Variants in SOX6 observed in about 807,000 individuals in gnomAD.
SOX6 encodes the protein transcription factor SOX-6.
In SOX6, 11 loss-of-function variants were observed where a neutral mutation model predicts 97.8. The ratio of observed to expected loss-of-function variants is 0.11; its 90% CI spans 0.07 to 0.19. The LOEUF (loss-of-function observed/expected upper bound fraction) is 0.19, where lower values mean the gene tolerates loss of function less well. Ranked by LOEUF, SOX6 falls within the 10% of genes least tolerant of loss-of-function variation. The pLI, the probability that SOX6 is intolerant of heterozygous loss-of-function variation, is 1.00. For missense variants in SOX6, 810 were observed against 1,039.5 expected, an observed-to-expected ratio of 0.78 and a Z score of 3.04; for synonymous variants, 360 against 371.4, an observed-to-expected ratio of 0.97 and a Z score of 0.35.
chr11:16,100,965 C>T (rs1008786833), intron 7 of SOX6, among the ~76,000 whole-genome samples: 11 of 151,508 alleles, frequency 7.3e-5, no homozygotes, highest in East Asian at 1.9e-4. Context: ...ATTCTTCAGT[C>T]GCATACCTCA....
At chr11:16,135,129 T>C (rs1849928120) in intron 6 of SOX6, among the ~76,000 whole-genome samples, 1 of 152,188 alleles carries the variant, frequency 6.6e-6, no homozygotes, top group African/African-American at 2.4e-5. Context: ...TTACTGAATA[T>C]TTAAGCCTAC....
chr11:16,132,329 AG>A (rs1465538735), intron 6 of SOX6, among the ~76,000 whole-genome samples: 51 of 105,890 alleles, frequency 4.8e-4, no homozygotes, highest in East Asian at 1.6e-3. Context: ...GAAGGAAGGA[AG>A]GAAAGAAAAA....
intron 4 of SOX6, among the ~76,000 whole-genome samples, chr11:16,492,384 C>T (rs1436038054): frequency 1.3e-5 from 2 of 152,180 alleles, no homozygotes; most frequent in African/African-American, 4.8e-5. Context: ...CATTCTGCCA[C>T]CTTCTGCTTC....
intron 6 of SOX6, among the ~76,000 whole-genome samples, chr11:16,119,182 A>G (rs1310636658): frequency 6.6e-6 from 1 of 152,154 alleles, no homozygotes; most frequent in Non-Finnish European, 1.5e-5. Flanking sequence ...TCCCCAGAAA[A>G]CTTAAAGGAA....
At chr11:16,431,358 C>T (rs1859268637) in intron 1 of SOX6, among the ~76,000 whole-genome samples, 1 of 152,112 alleles carries the variant, frequency 6.6e-6, no homozygotes, top group Admixed American at 6.6e-5. Flanking sequence ...TTCTCTCAAA[C>T]AGTACCCAGC....
intron 4 of SOX6, among the ~76,000 whole-genome samples, chr11:16,515,318 T>C (rs1386438822): frequency 1.3e-5 from 2 of 151,564 alleles, no homozygotes; most frequent in Non-Finnish European, 3.0e-5. Flanking sequence ...CATTTTTTCA[T>C]GTGTTTTTTG....
chr11:16,349,977 C>T (rs1856893849), intron 1 of SOX6, among the ~76,000 whole-genome samples: 1 of 152,092 alleles, frequency 6.6e-6, no homozygotes, highest in Non-Finnish European at 1.5e-5. Flanking sequence ...AGAACAGATA[C>T]TTCTGTTCTA....
intron 4 of SOX6, among the ~76,000 whole-genome samples, chr11:16,514,440 A>AT (rs1326036059): frequency 6.6e-6 from 1 of 151,802 alleles, no homozygotes; most frequent in Non-Finnish European, 1.5e-5. Context: ...TTTCCCTGCT[A>AT]TTAGCTAACT....
In SOX6 at chr11:16,128,107, G is replaced by C. The variant is rs148849752; in HGVS notation, c.778-16184C>G. 2.6e-5 allele frequency among the ~76,000 whole-genome samples: 4 copies of C among 152,232 alleles called. No individual in the cohort carries two copies. The East Asian group carries it at 7.7e-4, about 29-fold the overall frequency. Reference sequence around the variant, plus strand: ...AAATAACAAAGAAAACTACATCCTAGAAAAGCATATAGAAGTCTTAGATTT... The same window carrying C: ...AAATAACAAAGAAAACTACATCCTACAAAAGCATATAGAAGTCTTAGATTT... On this transcript the variant is annotated intron_variant, in intron 6 of 15. Coordinates refer to ENST00000683767, the MANE Select transcript of SOX6 (RefSeq NM_001367873.1).
chr11:16,007,134 G>A (rs1170123258), intron 13 of SOX6, among the ~76,000 whole-genome samples: 1 of 152,000 alleles, frequency 6.6e-6, no homozygotes, highest in Non-Finnish European at 1.5e-5. Flanking sequence ...GAATCCTTTG[G>A]CAATTTTGTC....
At chr11:16,139,133 C>T (rs1389206249) in intron 6 of SOX6, among the ~76,000 whole-genome samples, 1 of 152,168 alleles carries the variant, frequency 6.6e-6, no homozygotes. Context: ...ATCAATTTAT[C>T]CCATCACTGT....
At chr11:16,263,080 C>T (rs2351962) in intron 3 of SOX6, among the ~76,000 whole-genome samples, 118,592 of 151,664 alleles carry the variant, frequency 0.78, 46,507 homozygotes, top group Non-Finnish European at 0.8. Flanking sequence ...ACTTAAACAT[C>T]TGCAGGTAAA....
At chr11:16,211,108 A>C (rs1478327402) in intron 4 of SOX6, among the ~76,000 whole-genome samples, 1 of 152,178 alleles carries the variant, frequency 6.6e-6, no homozygotes. Context: ...TAAAAATAAA[A>C]AAATTTAAAA....
Position 16,132,390 on chromosome 11 carries a change from GAAAGAAAGAAAAAAGA to G in SOX6, c.778-20483_778-20468del, listed in dbSNP as rs1849802054. Among the ~76,000 whole-genome samples, 4 of 71,068 alleles carry G rather than the reference GAAAGAAAGAAAAAAGA, an allele frequency of 5.6e-5. 1 individual carries two copies. The highest frequency in any genetic ancestry group is 2.6e-4 in the African/African-American group (4 of 15,668). The allele number at this position is 71,068 out of a possible 152,430, so 46.6% of individuals were successfully genotyped here. On this transcript the variant is annotated intron_variant, in intron 6 of 15. Transcript: ENST00000683767. ...AGAAAGAAAGAAAGAAAGAAAGAAA[GAAAGAAAGAAAAAAGA>G]AAGAAAGAAAGAAAGAAAGAAAGAA...
intron 11 of SOX6, 63 bp downstream of exon 11, chr11:16,049,692 A>AT (rs1270091734): frequency 1.3e-6 from 2 of 1,592,112 alleles, no homozygotes; most frequent in Non-Finnish European, 1.7e-6. Context: ...GTCGTAACTA[A>AT]ACAGGTTTGC....
chr11:16,318,335 G>A, intron 3 of SOX6, 111 bp downstream of exon 3: 1 of 1,163,258 alleles, frequency 8.6e-7, no homozygotes. Context: ...TTCCTAGCTA[G>A]TGACAATTAT....
In SOX6 at chr11:15,967,263, C is replaced by T. The variant is rs1374765729; in HGVS notation, c.*5546G>A. The T allele has an allele frequency of 6.6e-6, 1 of 152,134 alleles. No individual in the cohort carries two copies. The highest frequency in any genetic ancestry group is 1.5e-5 in the Non-Finnish European group (1 of 68,046). 9.4% of individuals were successfully genotyped at this position (152,134 alleles called of 1,614,324 possible). ...TTAAATGCCCTTAGCAATTCAAGGGCCACACCCAGTGTTGCTATAGGAACC... is the reference window on the plus strand; with the variant it reads ...TTAAATGCCCTTAGCAATTCAAGGGTCACACCCAGTGTTGCTATAGGAACC... On this transcript the variant is annotated 3_prime_UTR_variant, in exon 16 of 16. Coordinates refer to ENST00000683767, the MANE Select transcript of SOX6 (RefSeq NM_001367873.1).
At chr11:16,524,480 C>T (rs1280307501) in intron 4 of SOX6, among the ~76,000 whole-genome samples, 3 of 152,080 alleles carry the variant, frequency 2.0e-5, no homozygotes, top group Non-Finnish European at 2.9e-5. Flanking sequence ...TGGGACATAT[C>T]TCAAAATAAT....
intron 9 of SOX6, among the ~76,000 whole-genome samples, chr11:16,074,325 A>C (rs1351771367): frequency 6.6e-6 from 1 of 152,136 alleles, no homozygotes; most frequent in Non-Finnish European, 1.5e-5. Context: ...CTATGCAAAC[A>C]AACTAGAAAA....
Sources: gnomAD v4.1 joint callset for allele counts (sites outside exome capture counted in the v4.1 genomes callset) on GRCh38, gnomAD v4.1.1 for gene constraint, MANE v1.5 for transcripts, NCBI Gene and HGNC (gene_info 2026-07-23, HGNC 2026-07-21) for gene names.